CDH26: variants seen among roughly 807,000 people sequenced by gnomAD.
CDH26 encodes the protein cadherin 26.
Under a neutral mutation model 90.3 loss-of-function variants are expected in CDH26, and 83 were observed. That is an observed-to-expected ratio of 0.92 (90% CI 0.77 to 1.10). The LOEUF is 1.10. Ranked by LOEUF, CDH26 falls within the 50% of genes least tolerant of loss-of-function variation. The pLI is 0.00. For missense variants in CDH26, 1,013 were observed against 1,037.6 expected, an observed-to-expected ratio of 0.98 and a Z score of 0.33; for synonymous variants, 397 against 396.3, an observed-to-expected ratio of 1.00 and a Z score of -0.02.
chr20:59,969,072 T>C (rs779151539), intron 2 of CDH26, 49 bp downstream of exon 2: 9 of 1,190,450 alleles, frequency 7.6e-6, no homozygotes, highest in East Asian at 2.3e-5. Context: ...GTCTCTACAC[T>C]TGACTTAGAG....
intron 1 of CDH26, among the ~76,000 whole-genome samples, chr20:59,963,369 G>T (rs1230799949): frequency 6.7e-6 from 1 of 149,450 alleles, no homozygotes; most frequent in Non-Finnish European, 1.5e-5. Flanking sequence ...TTCCACCTCA[G>T]CCTCCCAAGT....
At chr20:60,016,831 A>G (rs2061909542), downstream of CDH26, among the ~76,000 whole-genome samples, 1 of 152,030 alleles carries the variant, frequency 6.6e-6, no homozygotes, top group Non-Finnish European at 1.5e-5. Flanking sequence ...ATGAAAGGAT[A>G]CTGAATTTTA....
intron 7 of CDH26, among the ~76,000 whole-genome samples, chr20:60,026,339 C>T (rs2146033559): frequency 6.6e-6 from 1 of 151,494 alleles, no homozygotes; most frequent in Middle Eastern, 3.4e-3. Context: ...TGTGTGGGCC[C>T]AGTGCAATTC....
At chr20:60,000,857 CT>C (rs1380811651) in intron 14 of CDH26, among the ~76,000 whole-genome samples, 1 of 152,216 alleles carries the variant, frequency 6.6e-6, no homozygotes, top group African/African-American at 2.4e-5. Context: ...ACTTTAAAAT[CT>C]GCTGGATAGT....
chr20:60,000,264 A>T (rs2146004266), intron 14 of CDH26, among the ~76,000 whole-genome samples: 1 of 152,184 alleles, frequency 6.6e-6, no homozygotes, highest in African/African-American at 2.4e-5. Context: ...AAAGGGAATA[A>T]TTTTCTCACC....
Position 60,031,509 on chromosome 20 carries a change from C to T in CDH26, c.1143+83C>T, listed in dbSNP as rs1280993751. ...TATGAATTCAGGCGTTCAAGTTAAT[C>T]CTTGAGAATTAAATCAATTGAATTA... On this transcript the variant is annotated intron_variant, in intron 8 of 8. Coordinates refer to the CDH26 transcript ENST00000370991. 4 of 1,034,964 alleles carry T rather than the reference C, an allele frequency of 3.9e-6. No homozygotes were observed. In the African/African-American group the frequency reaches 6.9e-5, roughly 18 times the overall value. The allele number at this position is 1,034,964 out of a possible 1,614,324, so 64.1% of individuals were successfully genotyped here.
chr20:59,997,972 T>C (rs1489597160), intron 13 of CDH26, among the ~76,000 whole-genome samples: 1 of 152,262 alleles, frequency 6.6e-6, no homozygotes, highest in Non-Finnish European at 1.5e-5. Flanking sequence ...GGTATGTGCC[T>C]GTGCACCCTC....
chr20:59,975,518 G>T (rs2145978055), intron 4 of CDH26, among the ~76,000 whole-genome samples: 1 of 152,222 alleles, frequency 6.6e-6, no homozygotes, highest in South Asian at 2.1e-4. Flanking sequence ...ATGGTATTTT[G>T]TTACAACAGC....
intron 1 of CDH26, among the ~76,000 whole-genome samples, chr20:59,960,846 C>T (rs1601071129): frequency 6.6e-6 from 1 of 152,186 alleles, no homozygotes; most frequent in Non-Finnish European, 1.5e-5. Flanking sequence ...ACGACCCAGC[C>T]GTTTTTCTAA....
chr20:60,003,587 G>T (rs1218438344), intron 16 of CDH26, among the ~76,000 whole-genome samples: 1 of 152,112 alleles, frequency 6.6e-6, no homozygotes, highest in East Asian at 1.9e-4. Flanking sequence ...GGGACCAAAA[G>T]CTTCATTTGA....
chr20:59,964,663 A>G (rs1371775695), intron 1 of CDH26, among the ~76,000 whole-genome samples: 1 of 152,246 alleles, frequency 6.6e-6, no homozygotes, highest in Non-Finnish European at 1.5e-5. Flanking sequence ...AGGAGAAATG[A>G]AACACACACA....
At chr20:60,012,174 G>A (rs147587596) in intron 17 of CDH26, among the ~76,000 whole-genome samples, 1 of 152,096 alleles carries the variant, frequency 6.6e-6, no homozygotes, top group Admixed American at 6.5e-5. Flanking sequence ...CCAAACGAGG[G>A]CCGGGGGGTC....
intron 7 of CDH26, chr20:59,985,990 G>C (rs1336277826): frequency 6.6e-6 from 1 of 152,258 alleles, no homozygotes; most frequent in Non-Finnish European, 1.5e-5. Context: ...GGGCTACTCT[G>C]TGTGCTGTGG....
In CDH26 at chr20:60,001,211, T is replaced by C. The variant is rs1601179446; in HGVS notation, c.2098-132T>C. On this transcript the variant is annotated intron_variant, in intron 14 of 17. Coordinates refer to ENST00000348616, the MANE Select transcript of CDH26 (RefSeq NM_177980.4). ...TTTTCCTCCCACCGCGCCCTCCCTC[T>C]CATCGTGTTAATTTGTGTTTGCCTA... is the stretch of plus-strand genomic sequence containing the variant. The C allele has an allele frequency of 2.4e-5, 26 of 1,083,938 alleles. No homozygotes were observed. The East Asian group carries it at 6.5e-4, about 27-fold the overall frequency. The allele number at this position is 1,083,938 out of a possible 1,614,324, so 67.1% of individuals were successfully genotyped here.
intron 4 of CDH26, among the ~76,000 whole-genome samples, chr20:59,973,810 T>C (rs752997283): frequency 1.3e-5 from 2 of 152,244 alleles, no homozygotes; most frequent in Non-Finnish European, 2.9e-5. Context: ...GGCATTTAGG[T>C]TGATTTCATG....
downstream of CDH26, among the ~76,000 whole-genome samples, chr20:60,014,923 G>A (rs111310977): frequency 0.019 from 2,872 of 152,226 alleles, 41 homozygotes; most frequent in South Asian, 0.071. Flanking sequence ...TACCAACAGC[G>A]TATGGGTTCC....
downstream of CDH26, among the ~76,000 whole-genome samples, chr20:60,017,614 T>C (rs1442566299): frequency 2.0e-5 from 3 of 152,074 alleles, no homozygotes; most frequent in Non-Finnish European, 2.9e-5. Context: ...TTATTTGTGC[T>C]CTGATCTTTA....
intron 7 of CDH26, among the ~76,000 whole-genome samples, chr20:59,985,464 G>A (rs1211573901): frequency 1.3e-5 from 2 of 152,036 alleles, no homozygotes; most frequent in Admixed American, 1.3e-4. Flanking sequence ...AACGAGAGAG[G>A]TAAGAGGGGC....
At chr20:60,012,303 C>T (rs1036361723) in intron 17 of CDH26, among the ~76,000 whole-genome samples, 3 of 152,024 alleles carry the variant, frequency 2.0e-5, no homozygotes, top group Non-Finnish European at 4.4e-5. Flanking sequence ...ACTCCTGGGG[C>T]GGCCACCACT....
Sources: allele counts gnomAD v4.1 joint callset (sites outside exome capture counted in the v4.1 genomes callset), GRCh38; gene constraint gnomAD v4.1.1; transcripts MANE v1.5; gene names NCBI Gene and HGNC (gene_info 2026-07-23, HGNC 2026-07-21).